Variants in SEC22A observed in about 807,000 individuals in gnomAD.
SEC22A encodes vesicle-trafficking protein SEC22a.
A neutral mutation model predicts 35.3 loss-of-function variants in SEC22A; 22 were observed. The ratio of observed to expected loss-of-function variants is 0.62; its 90% CI spans 0.45 to 0.89. SEC22A has a LOEUF of 0.89. Among genes scored for constraint, SEC22A ranks in the 40% least tolerant of loss-of-function variants. SEC22A has a pLI of 0.00. For missense variants in SEC22A, 354 were observed against 362.5 expected (o/e 0.98, Z 0.19); for synonymous variants, 119 against 129.5 (o/e 0.92, Z 0.55).
chr3:123,227,612 A>G (rs1937236601), intron 4 of SEC22A, among the ~76,000 whole-genome samples: 1 of 152,238 alleles, frequency 6.6e-6, no homozygotes, highest in Non-Finnish European at 1.5e-5. Context: ...TAATAAAAAA[A>G]GAAATAAAAA....
chr3:123,230,721 A>AAAAAAAAAAAAAAAAAAAT, intron 4 of SEC22A, among the ~76,000 whole-genome samples: 1 of 148,564 alleles, frequency 6.7e-6, no homozygotes, highest in African/African-American at 2.5e-5. Flanking sequence ...AAAAAAAAAA[A>AAAAAAAAAAAAAAAAAAAT]GTGAAGGAGG....
At chr3:123,262,981 T>C (rs893007300) in intron 6 of SEC22A, among the ~76,000 whole-genome samples, 3 of 152,214 alleles carry the variant, frequency 2.0e-5, no homozygotes, top group African/African-American at 7.2e-5. Flanking sequence ...AACCAGAGTA[T>C]TGATACTGAT....
intron 2 of SEC22A, among the ~76,000 whole-genome samples, chr3:123,221,386 G>T (rs576088903): frequency 1.4e-5 from 2 of 145,686 alleles, no homozygotes; most frequent in Non-Finnish European, 3.0e-5. Flanking sequence ...CAGGAGAATC[G>T]CTTGAACCCG....
chr3:123,247,168 A>G (rs1002332161), intron 5 of SEC22A, among the ~76,000 whole-genome samples: 6 of 152,230 alleles, frequency 3.9e-5, no homozygotes, highest in Non-Finnish European at 8.8e-5. Flanking sequence ...GACCTAACAA[A>G]AAGAAGAAAC....
chr3:123,230,319 T>C (rs1180287963), intron 4 of SEC22A, among the ~76,000 whole-genome samples: 2 of 152,162 alleles, frequency 1.3e-5, no homozygotes, highest in Non-Finnish European at 2.9e-5. Context: ...ATAAGGAAAT[T>C]ACTCCAGATG....
At chr3:123,260,141 A>AAAAAAAAAAAAAAAC (rs1937851868) in intron 6 of SEC22A, among the ~76,000 whole-genome samples, 1 of 49,782 alleles carries the variant, frequency 2.0e-5, no homozygotes. Flanking sequence ...CAAAAAAAAA[A>AAAAAAAAAAAAAAAC]AAAAAAAAAA....
At chr3:123,224,645 A>G (rs1937189045) in intron 3 of SEC22A, among the ~76,000 whole-genome samples, 1 of 152,086 alleles carries the variant, frequency 6.6e-6, no homozygotes. Flanking sequence ...AAATAAATAA[A>G]CTGGGCATGG....
intron 4 of SEC22A, among the ~76,000 whole-genome samples, chr3:123,237,221 G>T (rs1228161571): frequency 6.6e-6 from 1 of 152,202 alleles, no homozygotes; most frequent in African/African-American, 2.4e-5. Context: ...GCACAAAGTT[G>T]ACATAGCCTT....
chr3:123,228,082 C>T lies in SEC22A; in HGVS notation c.541+2785C>T, dbSNP rs1402498147. Among the ~76,000 whole-genome samples the T allele has an allele frequency of 5.3e-5, 8 of 152,102 alleles. No individual in the cohort carries two copies. The South Asian group carries it at 1.0e-3, about 20-fold the overall frequency. On this transcript the variant is annotated intron_variant, in intron 4 of 6. Transcript: ENST00000492595. ...TAAATTTGGACTGAATACAACACTTCACATACAAATGTGGGAGAAGAGGGT... is the reference window on the plus strand; with the variant it reads ...TAAATTTGGACTGAATACAACACTTTACATACAAATGTGGGAGAAGAGGGT...
chr3:123,239,902 G>T (rs575172348), intron 4 of SEC22A, among the ~76,000 whole-genome samples: 1 of 152,256 alleles, frequency 6.6e-6, no homozygotes, highest in South Asian at 2.1e-4. Context: ...GGTTTTGGTG[G>T]TAAGGAATGG....
At chr3:123,239,916 A>T (rs1354609058) in intron 4 of SEC22A, among the ~76,000 whole-genome samples, 1 of 152,120 alleles carries the variant, frequency 6.6e-6, no homozygotes, top group Admixed American at 6.5e-5. Context: ...GGAATGGGTG[A>T]GGCAGGGTAA....
chr3:123,259,928 T>TTTG (rs1239190647), intron 6 of SEC22A, among the ~76,000 whole-genome samples: 1 of 151,510 alleles, frequency 6.6e-6, no homozygotes, highest in African/African-American at 2.4e-5. Flanking sequence ...AGGTCAGGAG[T>TTTG]TCAAGGCCAG....
At chr3:123,242,727 A>C (rs1460357070) in intron 4 of SEC22A, among the ~76,000 whole-genome samples, 3 of 152,186 alleles carry the variant, frequency 2.0e-5, no homozygotes, top group African/African-American at 7.2e-5. Flanking sequence ...TGACTTATAG[A>C]AAATAATTTA....
intron 2 of SEC22A, among the ~76,000 whole-genome samples, chr3:123,210,787 C>A (rs765327382): frequency 3.3e-5 from 5 of 152,036 alleles, no homozygotes; most frequent in African/African-American, 4.8e-5. Context: ...CAGAGGGCTT[C>A]GTTGTTGAGA....
At chr3:123,206,817 G>A (rs2108024303) in intron 1 of SEC22A, among the ~76,000 whole-genome samples, 1 of 152,330 alleles carries the variant, frequency 6.6e-6, no homozygotes, top group African/African-American at 2.4e-5. Context: ...GCTGGGCGTG[G>A]TAGCTCATGC....
chr3:123,212,139 C>T (rs992577826), intron 2 of SEC22A, among the ~76,000 whole-genome samples: 2 of 151,998 alleles, frequency 1.3e-5, no homozygotes, highest in Admixed American at 6.6e-5. Flanking sequence ...GAATCATTCA[C>T]GTAGATGTGG....
chr3:123,205,102 G>T (rs1936830666), intron 1 of SEC22A, among the ~76,000 whole-genome samples: 1 of 152,156 alleles, frequency 6.6e-6, no homozygotes, highest in South Asian at 2.1e-4. Flanking sequence ...AAAAGTAGGG[G>T]TATGTTTATT....
intron 4 of SEC22A, among the ~76,000 whole-genome samples, chr3:123,236,083 A>G (rs1262370565): frequency 1.3e-5 from 2 of 152,102 alleles, no homozygotes; most frequent in East Asian, 3.9e-4. Context: ...TAGGTATAAG[A>G]TTTCTTTTGG....
chr3:123,206,557 A>G (rs1231205868), intron 1 of SEC22A, among the ~76,000 whole-genome samples: 1 of 152,038 alleles, frequency 6.6e-6, no homozygotes, highest in Admixed American at 6.6e-5. Flanking sequence ...CTTAGGCTAA[A>G]TGTTACAATT....
Sources: allele counts gnomAD v4.1 joint callset (sites outside exome capture counted in the v4.1 genomes callset), GRCh38; gene constraint gnomAD v4.1.1; transcripts MANE v1.5; gene names NCBI Gene and HGNC (gene_info 2026-07-23, HGNC 2026-07-21).